SCMH1: variants seen among roughly 807,000 people sequenced by gnomAD.
SCMH1 encodes the protein Scm polycomb group protein homolog 1, also known as polycomb protein SCMH1.
In SCMH1, 37 loss-of-function variants were observed where a neutral mutation model predicts 70.8. The observed-to-expected ratio is 0.52, with a 90% confidence interval of 0.40 to 0.69. The LOEUF is 0.69. SCMH1 is among the 30% of genes least tolerant of loss of function. SCMH1 has a pLI of 0.00. For synonymous variants in SCMH1, 292 were observed against 307.4 expected (o/e 0.95, Z 0.52); for missense variants, 607 against 827.3 (o/e 0.73, Z 3.27).
chr1:41,034,005 A>C, intron 13 of SCMH1: 1 of 1,614,102 alleles, frequency 6.2e-7, no homozygotes, highest in Non-Finnish European at 8.5e-7. Flanking sequence ...TTAGTTTCCA[A>C]AATGATTCCA....
At chr1:41,238,240 A>G (rs934223432) in intron 1 of SCMH1, among the ~76,000 whole-genome samples, 1 of 152,134 alleles carries the variant, frequency 6.6e-6, no homozygotes, top group African/African-American at 2.4e-5. Context: ...CCCACCCACT[A>G]ATGATCATCA....
In SCMH1 at chr1:41,177,929, A is replaced by T. The variant is rs1647444942; in HGVS notation, c.13+8192T>A. The stretch of plus-strand genomic sequence containing the variant: ...CTCGAGAAGAGCAACTCCAAGACAC[A>T]TAATTGTCAGATTCACCAAAGTTGA... On this transcript the variant is annotated intron_variant, in intron 2 of 14. Coordinates refer to ENST00000337495, the Ensembl canonical transcript of SCMH1. 2.0e-5 allele frequency among the ~76,000 whole-genome samples: 3 copies of T among 152,228 alleles called. No individual in the cohort carries two copies. In the South Asian group the frequency reaches 6.2e-4, roughly 32 times the overall value.
chr1:41,066,943 T>C (rs971237744), intron 10 of SCMH1, among the ~76,000 whole-genome samples: 2 of 152,178 alleles, frequency 1.3e-5, no homozygotes, highest in Non-Finnish European at 2.9e-5. Flanking sequence ...AACATACTCT[T>C]ACTATTTAAT....
At chr1:41,222,908 C>T (rs1299438387) in intron 1 of SCMH1, among the ~76,000 whole-genome samples, 1 of 152,092 alleles carries the variant, frequency 6.6e-6, no homozygotes, top group Non-Finnish European at 1.5e-5. Flanking sequence ...GGAGAAGATC[C>T]TAGCCCACAT....
At chr1:41,057,340 C>T (rs577784630) in intron 10 of SCMH1, among the ~76,000 whole-genome samples, 477 of 152,102 alleles carry the variant, frequency 3.1e-3, no homozygotes, top group African/African-American at 0.011. Flanking sequence ...ATCTCGGCTC[C>T]CTGCAACCTC....
chr1:41,221,028 T>C (rs556310809), intron 1 of SCMH1, among the ~76,000 whole-genome samples: 2 of 152,164 alleles, frequency 1.3e-5, no homozygotes, highest in East Asian at 1.9e-4. Flanking sequence ...TTGGCATAGA[T>C]TGAAAAGATT....
chr1:41,151,004 G>C (rs1474823076), intron 5 of SCMH1, among the ~76,000 whole-genome samples: 2 of 151,154 alleles, frequency 1.3e-5, no homozygotes, highest in Non-Finnish European at 2.9e-5. Flanking sequence ...GACAGTTTGA[G>C]GAAATAACCC....
At chr1:41,070,864 T>C in intron 9 of SCMH1, 143 bp from the exon 10 acceptor site, 6 of 1,010,278 alleles carry the variant, frequency 5.9e-6, no homozygotes, top group Non-Finnish European at 8.7e-6. Context: ...AGCATCTGGC[T>C]TAAAGCTATA....
chr1:41,217,199 T>C (rs977578147), intron 1 of SCMH1, among the ~76,000 whole-genome samples: 6 of 152,200 alleles, frequency 3.9e-5, no homozygotes, highest in African/African-American at 1.4e-4. Flanking sequence ...ATTGGACACC[T>C]GGGGAAAGGC....
At chr1:41,161,250 T>C in intron 3 of SCMH1, 114 bp downstream of exon 3, 2 of 1,482,868 alleles carry the variant, frequency 1.3e-6, no homozygotes, top group South Asian at 2.5e-5. Context: ...CAATATTTGC[T>C]TCTGATATAA....
intron 9 of SCMH1, among the ~76,000 whole-genome samples, chr1:41,072,147 A>G (rs1180094713): frequency 6.6e-6 from 1 of 152,246 alleles, no homozygotes; most frequent in East Asian, 1.9e-4. Flanking sequence ...TTTGCCTGTG[A>G]AAGCAATCAT....
chr1:41,181,136 G>C (rs139305843), intron 2 of SCMH1, among the ~76,000 whole-genome samples: 22,760 of 152,138 alleles, frequency 0.15, 2,208 homozygotes, highest in Non-Finnish European at 0.21. Flanking sequence ...GGGAAAACTG[G>C]CTAGCCATAT....
At chr1:41,076,497 T>C (rs1571848750) in intron 8 of SCMH1, among the ~76,000 whole-genome samples, 1 of 152,134 alleles carries the variant, frequency 6.6e-6, no homozygotes, top group East Asian at 1.9e-4. Context: ...TCCACTCTCA[T>C]GGAGCTTACC....
chr1:41,080,026 G>A (rs1659523191), intron 8 of SCMH1, among the ~76,000 whole-genome samples: 1 of 151,768 alleles, frequency 6.6e-6, no homozygotes, highest in Non-Finnish European at 1.5e-5. Flanking sequence ...ATATTTCTGT[G>A]GGTACTATTT....
At chr1:41,048,944 CAG>C in intron 10 of SCMH1, 54 bp from the exon 11 acceptor site, 1 of 1,477,762 alleles carries the variant, frequency 6.8e-7, no homozygotes, top group Non-Finnish European at 9.2e-7. Flanking sequence ...ATAGAGAAGT[CAG>C]AGAACAGCAT....
chr1:41,122,851 C>T (rs1672275102), intron 6 of SCMH1, among the ~76,000 whole-genome samples: 1 of 152,172 alleles, frequency 6.6e-6, no homozygotes, highest in East Asian at 1.9e-4. Context: ...TCTAGGTGCT[C>T]CCAAGACTAT....
upstream of SCMH1, chr1:41,242,119 C>A (rs2148973925): frequency 6.8e-6 from 1 of 147,290 alleles, no homozygotes; most frequent in East Asian, 2.0e-4. The surrounding 1 kb of genome is among the most constrained non-coding windows in gnomAD (Gnocchi z 5.2). Context: ...GTTTCCGCTG[C>A]GCAGGGAGGG....
intron 1 of SCMH1, among the ~76,000 whole-genome samples, chr1:41,213,816 A>G (rs1044255132): frequency 2.0e-5 from 3 of 152,280 alleles, no homozygotes; most frequent in African/African-American, 7.2e-5. Context: ...GTCTTTTGCT[A>G]TAAGGACTTT....
At chr1:41,062,050 G>C (rs1310577436) in intron 10 of SCMH1, among the ~76,000 whole-genome samples, 1 of 151,896 alleles carries the variant, frequency 6.6e-6, no homozygotes, top group African/African-American at 2.4e-5. Context: ...ATTTTTGGTA[G>C]AGACAGGGTT....
Sources: allele counts gnomAD v4.1 joint callset (sites outside exome capture counted in the v4.1 genomes callset), GRCh38; gene constraint gnomAD v4.1.1; non-coding constraint Gnocchi (gnomAD v3.1); transcripts MANE v1.5; gene names NCBI Gene and HGNC (gene_info 2026-07-23, HGNC 2026-07-21).